FRYL: variants seen among roughly 807,000 people sequenced by gnomAD.
The protein encoded by FRYL is FRY like transcription coactivator.
A neutral mutation model predicts 351.2 loss-of-function variants in FRYL; 150 were observed. That is an observed-to-expected ratio of 0.43 (90% CI 0.37 to 0.49). The LOEUF (loss-of-function observed/expected upper bound fraction) is 0.49, where lower values mean the gene tolerates loss of function less well. Among genes scored for constraint, FRYL ranks in the 20% least tolerant of loss-of-function variants. The probability of loss-of-function intolerance (pLI) is 0.00; values close to 1 mark genes in which losing one functional copy is unlikely to be tolerated. For missense variants in FRYL, 3,036 were observed against 3,619.3 expected, an observed-to-expected ratio of 0.84 and a Z score of 4.13; for synonymous variants, 1,153 against 1,257.1, an observed-to-expected ratio of 0.92 and a Z score of 1.75.
chr4:48,641,242 T>C (rs1044998905), intron 3 of FRYL, among the ~76,000 whole-genome samples: 2 of 152,106 alleles, frequency 1.3e-5, no homozygotes, highest in Admixed American at 6.6e-5. Context: ...GAAAATATCA[T>C]TTGATGCACA....
At chr4:48,509,705 GA>G (rs1722074893) in intron 59 of FRYL, among the ~76,000 whole-genome samples, 1 of 152,128 alleles carries the variant, frequency 6.6e-6, no homozygotes, top group Non-Finnish European at 1.5e-5. Flanking sequence ...CACATCATGG[GA>G]AAAAGATTAC....
chr4:48,670,568 T>C (rs1489707703), intron 3 of FRYL, among the ~76,000 whole-genome samples: 1 of 151,994 alleles, frequency 6.6e-6, no homozygotes, highest in Non-Finnish European at 1.5e-5. Flanking sequence ...CTATTGACCA[T>C]CTCCACTTCC....
At chr4:48,758,049 C>T (rs1373593245) in intron 1 of FRYL, among the ~76,000 whole-genome samples, 2 of 152,180 alleles carry the variant, frequency 1.3e-5, no homozygotes, top group Non-Finnish European at 2.9e-5. Context: ...AAAGCTGAAA[C>T]TGGATCCCTT....
chr4:48,589,129 C>T (rs1189303611), intron 18 of FRYL, among the ~76,000 whole-genome samples: 1 of 152,130 alleles, frequency 6.6e-6, no homozygotes, highest in Non-Finnish European at 1.5e-5. Flanking sequence ...CCAGAAGAAT[C>T]TCCTCCCTTA....
At position 48,590,705 on chromosome 4, in the gene FRYL, T is replaced by C. The variant is rs371046116; in HGVS notation, c.1461A>G (p.Lys487=). ...CTGTCAAGGTTTTATTGAGAAATAT[T>C]TTCTTTACACGAAGAGTATTTCCTG... The part of the protein sequence containing the change: ...LPSGNTLRVK[K]IFLNKTLTDE... Residue 487 remains lysine, a synonymous_variant, in exon 17 of 64, where the codon AAA becomes AAG. Transcript: ENST00000358350. The C allele has an allele frequency of 2.3e-5, 37 of 1,612,498 alleles. No homozygotes were observed. The highest frequency in any genetic ancestry group is 1.2e-4 in the Admixed American group (7 of 59,900).
At chr4:48,619,144 T>A (rs771521241) in intron 7 of FRYL, 130 bp downstream of exon 7, 23 of 650,978 alleles carry the variant, frequency 3.5e-5, no homozygotes. Context: ...GAAAGAAGTA[T>A]AATGAAATTA....
chr4:48,508,633 C>G (rs538643384), intron 59 of FRYL, among the ~76,000 whole-genome samples: 116 of 152,262 alleles, frequency 7.6e-4, no homozygotes, highest in Non-Finnish European at 1.5e-3. Flanking sequence ...CATGAGTCTA[C>G]AGTCATTGAT....
At chr4:48,687,345 A>C (rs1765237430) in intron 2 of FRYL, among the ~76,000 whole-genome samples, 1 of 152,114 alleles carries the variant, frequency 6.6e-6, no homozygotes, top group Non-Finnish European at 1.5e-5. Context: ...ACTGAAGAGA[A>C]GACTGTGAAC....
intron 8 of FRYL, 72 bp downstream of exon 8, chr4:48,609,672 C>T (rs1266493088): frequency 4.6e-6 from 3 of 656,924 alleles, no homozygotes; most frequent in Non-Finnish European, 7.8e-6. Flanking sequence ...AACAAATGAT[C>T]AGTAAGACTT....
At chr4:48,589,976 A>G (rs1198817722) in intron 17 of FRYL, 99 bp from the exon 18 acceptor site, 4 of 1,054,308 alleles carry the variant, frequency 3.8e-6, no homozygotes, top group Non-Finnish European at 5.6e-6. Context: ...TGATTAGCTT[A>G]TTGTTGCCAC....
intron 19 of FRYL, among the ~76,000 whole-genome samples, chr4:48,583,545 A>G (rs766518788): frequency 2.0e-5 from 3 of 152,062 alleles, no homozygotes; most frequent in Non-Finnish European, 4.4e-5. Context: ...CAACACAATA[A>G]TTATTGAAGG....
At chr4:48,671,311 T>C (rs1181297267) in intron 3 of FRYL, among the ~76,000 whole-genome samples, 2 of 152,092 alleles carry the variant, frequency 1.3e-5, no homozygotes, top group African/African-American at 4.8e-5. Context: ...TAAAAAACCT[T>C]TGTATCTGAA....
At chr4:48,709,407 C>T (rs570021790) in intron 2 of FRYL, among the ~76,000 whole-genome samples, 3 of 152,072 alleles carry the variant, frequency 2.0e-5, no homozygotes, top group Non-Finnish European at 4.4e-5. Context: ...GGAAAGTCCT[C>T]AAGGTCAGTA....
chr4:48,738,932 G>T (rs1034022930), intron 1 of FRYL, among the ~76,000 whole-genome samples: 1 of 152,082 alleles, frequency 6.6e-6, no homozygotes, highest in African/African-American at 2.4e-5. Context: ...AGTTTATGTG[G>T]AAAGACAAAA....
intron 1 of FRYL, among the ~76,000 whole-genome samples, chr4:48,750,044 G>T (rs1326565001): frequency 6.7e-6 from 1 of 149,340 alleles, no homozygotes; most frequent in Non-Finnish European, 1.5e-5. Context: ...TGAGGCAGGA[G>T]AATCACTTCA....
At chr4:48,605,970 A>T (rs1432829296) in intron 10 of FRYL, 137 bp from the exon 11 acceptor site, 6 of 594,182 alleles carry the variant, frequency 1.0e-5, no homozygotes, top group Non-Finnish European at 1.2e-5. Context: ...CAAAAAACAA[A>T]GCTGGCTGGG....
chr4:48,761,490 TAA>T (rs1490727127), intron 1 of FRYL, among the ~76,000 whole-genome samples: 1 of 152,190 alleles, frequency 6.6e-6, no homozygotes, highest in East Asian at 1.9e-4. Context: ...GCCAGTCATA[TAA>T]AAGTGTCCAG....
chr4:48,603,386 A>T lies in FRYL; in HGVS notation c.837T>A (p.Ala279=). Residue 279 remains alanine (A), a splice_region_variant and synonymous_variant, in exon 12 of 64, where the codon GCT becomes GCA. Coordinates refer to ENST00000358350, the MANE Select transcript of FRYL (RefSeq NM_015030.2). ...AGGGAACATTCACTTCATTTTTAAC[A>T]GCCTAGTAAAAAGATAATGCAAACA... ...FVEILIPVAA[A]VKNEVNVPCL... is the part of the protein sequence containing the mutation. The T allele has an allele frequency of 2.5e-6, 4 of 1,583,394 alleles. No individual in the cohort carries two copies. The highest frequency in any genetic ancestry group is 3.5e-6 in the Non-Finnish European group (4 of 1,155,996).
intron 3 of FRYL, among the ~76,000 whole-genome samples, chr4:48,674,736 C>CAAAAAAAAAAA (rs58696045): frequency 1.8e-5 from 1 of 55,782 alleles, no homozygotes; most frequent in African/African-American, 8.2e-5. Context: ...GACTCTGTCT[C>CAAAAAAAAAAA]AAAAAAAAAA....
Sources: gnomAD v4.1 joint callset for allele counts (sites outside exome capture counted in the v4.1 genomes callset) on GRCh38, gnomAD v4.1.1 for gene constraint, MANE v1.5 for transcripts, NCBI Gene and HGNC (gene_info 2026-07-23, HGNC 2026-07-21) for gene names.